Variants in UNC13B observed in about 807,000 individuals in gnomAD.
UNC13B encodes protein unc-13 homolog B.
Under a neutral mutation model 211.0 loss-of-function variants are expected in UNC13B, and 144 were observed. The ratio of observed to expected loss-of-function variants is 0.68; its 90% CI spans 0.60 to 0.78. The LOEUF (loss-of-function observed/expected upper bound fraction) is 0.78. Among genes scored for constraint, UNC13B ranks in the 30% least tolerant of loss-of-function variants. The pLI, the probability that UNC13B is intolerant of heterozygous loss-of-function variation, is 0.00. For synonymous variants in UNC13B, 709 were observed against 725.8 expected (o/e 0.98, Z 0.37); for missense variants, 1,777 against 2,002.0 (o/e 0.89, Z 2.14).
At chr9:35,286,226 CTTTTTTTTTTTTTT>C (rs777657602) in intron 7 of UNC13B, among the ~76,000 whole-genome samples, 1 of 117,662 alleles carries the variant, frequency 8.5e-6, no homozygotes, top group Admixed American at 8.8e-5. Flanking sequence ...AAGCTTGGAA[CTTTTTTTTTTTTTT>C]TTTTTTTTTG....
At chr9:35,250,369 C>A (rs1186090369) in intron 6 of UNC13B, among the ~76,000 whole-genome samples, 1 of 152,124 alleles carries the variant, frequency 6.6e-6, no homozygotes, top group East Asian at 1.9e-4. Flanking sequence ...ACTAATCAAC[C>A]TTCTGTCTCT....
intron 11 of UNC13B, among the ~76,000 whole-genome samples, chr9:35,351,141 C>G (rs1220491762): frequency 1.3e-5 from 2 of 152,184 alleles, no homozygotes; most frequent in Non-Finnish European, 2.9e-5. Context: ...AACTGACTGC[C>G]CATAGCCTTT....
intron 9 of UNC13B, among the ~76,000 whole-genome samples, 166 bp from the exon 10 acceptor site, chr9:35,310,301 A>G (rs1435016788): frequency 3.9e-5 from 6 of 152,210 alleles, no homozygotes; most frequent in Non-Finnish European, 7.3e-5. Context: ...TTTTCGCTGA[A>G]TAGAGACTAA....
Position 35,313,904 on chromosome 9 carries a change from C to G in UNC13B, c.9329C>G (p.Pro3110Arg). Residue 3110 changes from proline (P) to arginine (R), a missense_variant, in exon 11 of 40, where the codon CCT becomes CGT. Pro to Arg is a moderately radical substitution (Grantham distance 103). Coordinates refer to ENST00000635942, the MANE Select transcript of UNC13B (RefSeq NM_001371189.2). Reference protein sequence around the residue: ...DHFLGPQESFPEENASSPFTQ... With the variant: ...DHFLGPQESFREENASSPFTQ... Reference sequence around the variant, plus strand: ...TACTTTTTCTCTGTTACAAGTTTTCCTGAGGAGAATGCATCTTCACCATTT... The same window carrying G: ...TACTTTTTCTCTGTTACAAGTTTTCGTGAGGAGAATGCATCTTCACCATTT... 1 of 1,613,280 alleles carries G rather than the reference C, an allele frequency of 6.2e-7. No homozygotes were observed. Among genetic ancestry groups the G allele is most frequent in the Non-Finnish European group, 8.5e-7 (1 of 1,179,360 alleles).
At chr9:35,192,719 T>G (rs1459523323) in intron 1 of UNC13B, among the ~76,000 whole-genome samples, 1 of 152,198 alleles carries the variant, frequency 6.6e-6, no homozygotes, top group Non-Finnish European at 1.5e-5. Flanking sequence ...CCTGCAAAGG[T>G]CTAGTAAGGC....
intron 7 of UNC13B, among the ~76,000 whole-genome samples, chr9:35,262,130 C>T (rs952495537): frequency 2.0e-5 from 3 of 152,228 alleles, no homozygotes; most frequent in South Asian, 2.1e-4. Context: ...AGCCTTCCCC[C>T]GCCATGATCT....
At chr9:35,320,453 C>T (rs1417638632) in intron 11 of UNC13B, among the ~76,000 whole-genome samples, 1 of 152,144 alleles carries the variant, frequency 6.6e-6, no homozygotes, top group Non-Finnish European at 1.5e-5. Flanking sequence ...TTTCCTAACC[C>T]ATCAGTAATG....
chr9:35,403,124 T>C (rs1836432218), intron 37 of UNC13B, 43 bp from the exon 38 acceptor site: 4 of 1,600,082 alleles, frequency 2.5e-6, no homozygotes, highest in Non-Finnish European at 3.4e-6. Flanking sequence ...GTTTACCTCC[T>C]ACAGTTCTCC....
chr9:35,402,089 G>A, intron 37 of UNC13B: 1 of 1,350,786 alleles, frequency 7.4e-7, no homozygotes, highest in Non-Finnish European at 1.0e-6. Flanking sequence ...CTCGTGCTGG[G>A]GGTGGGGGAA....
chr9:35,175,368 A>G (rs1418705027), intron 1 of UNC13B, among the ~76,000 whole-genome samples: 1 of 152,206 alleles, frequency 6.6e-6, no homozygotes. Context: ...CAGAAAGGAG[A>G]AAAAGGGGCT....
In UNC13B at chr9:35,375,071, CAG is replaced by C; in HGVS notation, c.9541-54_9541-53del. The stretch of plus-strand genomic sequence containing the variant: ...CTTTGGTCACTGAAGCTCCCTCCCC[CAG>C]ACTTTGCCAGCCCTTGGCAGTGGTC... On this transcript the variant is annotated intron_variant, in intron 13 of 39. Transcript: ENST00000635942. The C allele has an allele frequency of 2.5e-6, 4 of 1,599,048 alleles. No homozygotes were observed. The East Asian group carries it at 8.9e-5, about 36-fold the overall frequency.
rs1419549783 is a variant in UNC13B, at chr9:35,390,664, C to T, written c.11258C>T (p.Ala3753Val). The T allele has an allele frequency of 1.1e-5, 17 of 1,614,152 alleles. No homozygotes were observed. The highest frequency in any genetic ancestry group is 1.4e-5 in the Non-Finnish European group (16 of 1,180,020). Residue 3753 changes from alanine (A) to valine (V), a missense_variant, in exon 26 of 40, where the codon GCA becomes GTA. Coordinates refer to ENST00000635942, the MANE Select transcript of UNC13B (RefSeq NM_001371189.2). ...GAGTTGAATGTGGGAAAAGTCAGCG[C>T]AGAAGTGATGTGGCATTTGTTTGCC... ...PQELNVGKVS[A>V]EVMWHLFAQD...
intron 11 of UNC13B, among the ~76,000 whole-genome samples, chr9:35,345,238 T>G (rs1832276859): frequency 6.6e-6 from 1 of 152,000 alleles, no homozygotes; most frequent in Non-Finnish European, 1.5e-5. Flanking sequence ...AAGACAGACT[T>G]TATGTGGGGG....
chr9:35,399,283 CG>C lies in UNC13B; in HGVS notation c.12198+1del, dbSNP rs1564199880. The C allele has an allele frequency of 6.2e-7, 1 of 1,614,142 alleles. No individual in the cohort carries two copies. The highest frequency in any genetic ancestry group is 2.2e-5 in the East Asian group (1 of 44,876). On this transcript the variant is annotated frameshift_variant and splice_region_variant, in exon 34 of 40. Transcript: ENST00000635942. LOFTEE classifies it high-confidence loss of function. Reference protein sequence around the residue: ...MIVLPPLTDQTGTQLIFTAAK... With the variant: ...MIVLPPLTDQXGTQLIFTAAK... ...GTTCTGCCCCCACTCACTGACCAGA[CG>C]GTAAGGACACCTCCTTCCACTTCCT...
rs188569841 is a variant in UNC13B, at chr9:35,381,580, A to T, written c.10516A>T (p.Ile3506Phe). 865 of 1,614,076 alleles carry T rather than the reference A, an allele frequency of 5.4e-4. 5 individuals are homozygous for T. The highest frequency in any genetic ancestry group is 1.1e-4 in the Non-Finnish European group (127 of 1,179,948). Reference sequence around the variant, plus strand: ...GAATCTTTTCCATTACCTCACAGACATTCAGGGCAGTGGAGGAGTCCGCAT... The same window carrying T: ...GAATCTTTTCCATTACCTCACAGACTTTCAGGGCAGTGGAGGAGTCCGCAT... Reference protein sequence around the residue: ...HENLFHYLTDIQGSGGVRIPE... With the variant: ...HENLFHYLTDFQGSGGVRIPE... The change falls in exon 20 of 40, where the codon ATT becomes TTT. Residue 3506 changes from isoleucine (I) to phenylalanine (F), a missense_variant. Transcript: ENST00000635942.
chr9:35,195,211 A>G (rs751401664), intron 1 of UNC13B, among the ~76,000 whole-genome samples: 3 of 152,182 alleles, frequency 2.0e-5, no homozygotes, highest in Non-Finnish European at 4.4e-5. Flanking sequence ...GCCAGCATGT[A>G]TGTCTGCAGC....
Position 35,383,629 on chromosome 9 carries a change from C to T in UNC13B, c.10807-617C>T, listed in dbSNP as rs375770149. Among the ~76,000 whole-genome samples, 56 of 152,158 alleles carry T rather than the reference C, an allele frequency of 3.7e-4. No homozygotes were observed. The East Asian group carries it at 6.0e-3, about 16-fold the overall frequency. ...AACATCCTGCAGGCATATGATTCCA[C>T]GTTTAATTATACTTTTTCTATGAAA... On this transcript the variant is annotated intron_variant, in intron 21 of 39. Coordinates refer to ENST00000635942, the MANE Select transcript of UNC13B (RefSeq NM_001371189.2).
At chr9:35,236,408 G>A in intron 3 of UNC13B, 61 bp from the exon 4 acceptor site, 1 of 1,325,272 alleles carries the variant, frequency 7.5e-7, no homozygotes, top group Non-Finnish European at 1.1e-6. Flanking sequence ...CAAAACAGGA[G>A]ATGTAGTTGT....
At chr9:35,399,838 G>A in intron 36 of UNC13B, 109 bp downstream of exon 36, 2 of 1,074,114 alleles carry the variant, frequency 1.9e-6, no homozygotes, top group Non-Finnish European at 2.8e-6. Context: ...TCCACATCCA[G>A]AAGAGAGTTA....
Sources: gnomAD v4.1 joint callset for allele counts (sites outside exome capture counted in the v4.1 genomes callset) on GRCh38, gnomAD v4.1.1 for gene constraint, MANE v1.5 for transcripts, NCBI Gene and HGNC (gene_info 2026-07-23, HGNC 2026-07-21) for gene names.